SCIN: variants seen among roughly 807,000 people sequenced by gnomAD.
The protein encoded by SCIN is scinderin.
Under a neutral mutation model 91.8 loss-of-function variants are expected in SCIN, and 91 were observed. That is an observed-to-expected ratio of 0.99 (90% confidence interval 0.84 to 1.18). The LOEUF (loss-of-function observed/expected upper bound fraction) is 1.18, where lower values mean the gene tolerates loss of function less well. Ranked by LOEUF, SCIN falls within the 50% of genes most tolerant of loss-of-function variation. The pLI, the probability that SCIN is intolerant of heterozygous loss-of-function variation, is 0.00. For missense variants in SCIN, 1,087 were observed against 863.9 expected (o/e 1.26, Z -3.24); for synonymous variants, 367 against 312.6 (o/e 1.17, Z -1.84).
intron 1 of SCIN, chr7:12,571,322 A>G (rs2240575): frequency 0.53 from 201,157 of 381,296 alleles, 54,136 homozygotes; most frequent in African/African-American, 0.66. Context: ...CCGCTGCCTC[A>G]GCGCACACCG....
chr7:12,573,303 G>C (rs1782305712), intron 1 of SCIN, among the ~76,000 whole-genome samples: 1 of 152,050 alleles, frequency 6.6e-6, no homozygotes, highest in Non-Finnish European at 1.5e-5. Context: ...CCGGAAGAAA[G>C]AGAAACTAAA....
chr7:12,624,448 G>T (rs1204141570), intron 5 of SCIN, among the ~76,000 whole-genome samples: 1 of 152,176 alleles, frequency 6.6e-6, no homozygotes, highest in African/African-American at 2.4e-5. Context: ...TACTTAAATT[G>T]CAGGACCTAT....
intron 4 of SCIN, among the ~76,000 whole-genome samples, chr7:12,622,464 C>A (rs910766568): frequency 2.0e-5 from 3 of 152,110 alleles, no homozygotes; most frequent in Admixed American, 2.0e-4. Flanking sequence ...AGAAGAAATT[C>A]TGCTGCAGAG....
At position 12,597,547 on chromosome 7, in the gene SCIN, G is replaced by A. The variant is rs947111446; in HGVS notation, c.517-6967G>A. On this transcript the variant is annotated intron_variant, in intron 3 of 15. Coordinates refer to ENST00000297029, the MANE Select transcript of SCIN (RefSeq NM_001112706.3). ...TGCTTTTCCTCAAGGGCACCATTGAGCATTGTTTTACTTTTGCCCTTATTT... is the reference window on the plus strand; with the variant it reads ...TGCTTTTCCTCAAGGGCACCATTGAACATTGTTTTACTTTTGCCCTTATTT... Among the ~76,000 whole-genome samples, 4 of 152,188 alleles carry A rather than the reference G, an allele frequency of 2.6e-5. No homozygotes were observed. The East Asian group carries it at 5.8e-4, about 22-fold the overall frequency.
chr7:12,601,571 C>T (rs1037510006), intron 3 of SCIN, among the ~76,000 whole-genome samples: 3 of 152,080 alleles, frequency 2.0e-5, no homozygotes, highest in African/African-American at 7.2e-5. Flanking sequence ...TTCTACCAGT[C>T]CACCTCTCCT....
chr7:12,643,648 C>G (rs1333680297), intron 11 of SCIN, among the ~76,000 whole-genome samples: 1 of 152,206 alleles, frequency 6.6e-6, no homozygotes, highest in Non-Finnish European at 1.5e-5. Flanking sequence ...ATCATGGCTG[C>G]CTTCATCCTG....
chr7:12,626,673 G>A lies in SCIN; in HGVS notation c.1071G>A (p.Gly357=), dbSNP rs1413783121. The change falls in exon 8 of 16, where the codon GGG becomes GGA. Residue 357 remains glycine, a synonymous_variant. Transcript: ENST00000297029. ...WRDKDQSDGF[G]KVYVTEKVAQ... ...ATAAAGATCAGAGTGATGGCTTCGGGAAAGTTTATGTCACAGAGAAAGTGG... is the reference window on the plus strand; with the variant it reads ...ATAAAGATCAGAGTGATGGCTTCGGAAAAGTTTATGTCACAGAGAAAGTGG... 1.3e-6 allele frequency: 2 copies of A among 1,570,746 alleles called. No individual in the cohort carries two copies. The highest frequency in any genetic ancestry group is 2.3e-5 in the South Asian group (2 of 85,414).
rs761275549 is a variant in SCIN, at chr7:12,636,043, A to G, written c.1320-2A>G. On this transcript the variant is annotated splice_acceptor_variant, in intron 9 of 15. Coordinates refer to ENST00000297029, the MANE Select transcript of SCIN (RefSeq NM_001112706.3). LOFTEE classifies it high-confidence loss of function. The stretch of plus-strand genomic sequence containing the variant: ...TAATTCGTTTCACTTTCATTCCTCT[A>G]GGCAAGGAGCAAATGCCACACGAGA... 1.2e-6 allele frequency: 2 copies of G among 1,610,268 alleles called. No homozygotes were observed. Among genetic ancestry groups the G allele is most frequent in the Admixed American group, 3.3e-5 (2 of 59,762 alleles).
chr7:12,570,936 C>G lies in SCIN; in HGVS notation c.150C>G (p.His50Gln). Residue 50 changes from histidine to glutamine, a missense_variant, in exon 1 of 16, where the codon CAC becomes CAG. Transcript: ENST00000297029. ...TCGGGGATGCCTACCTGGTGCTGCACACGGCCAAGACGAGCCGAGGCTTCA... is the reference window on the plus strand; with the variant it reads ...TCGGGGATGCCTACCTGGTGCTGCAGACGGCCAAGACGAGCCGAGGCTTCA... ...FYVGDAYLVLHTAKTSRGFTY... is the reference protein window; with the variant it reads ...FYVGDAYLVLQTAKTSRGFTY... 3.2e-6 allele frequency: 5 copies of G among 1,551,472 alleles called. No individual in the cohort carries two copies. The South Asian group carries it at 5.9e-5, about 18-fold the overall frequency.
chr7:12,640,435 A>C lies in SCIN; in HGVS notation c.1499A>C (p.Lys500Thr). The change falls in exon 11 of 16, where the codon AAG becomes ACG. Residue 500 changes from lysine to threonine, a missense_variant. Physicochemically the swap from Lys to Thr is moderately conservative, Grantham distance 78. Coordinates refer to ENST00000297029, the MANE Select transcript of SCIN (RefSeq NM_001112706.3). The stretch of plus-strand genomic sequence containing the variant: ...ATTATTTACAAGAATGGAACATCAA[A>C]GAAAGGAGGTCAGGCACCTGCTCCC... ...PLIIYKNGTS[K>T]KGGQAPAPPT... The C allele has an allele frequency of 6.2e-7, 1 of 1,613,666 alleles. No homozygotes were observed. Among genetic ancestry groups the C allele is most frequent in the Non-Finnish European group, 8.5e-7 (1 of 1,179,742 alleles).
Position 12,657,002 on chromosome 7 carries a change from G to A in SCIN, c.*4287G>A, listed in dbSNP as rs1784174644. ...TGACTAAAATCAAATATTTTACTTG[G>A]TAATGCCAAGTAAAAATACAGGAGA... On this transcript the variant is annotated 3_prime_UTR_variant, in exon 16 of 16. Transcript: ENST00000297029. The A allele has an allele frequency of 6.6e-6, 1 of 151,714 alleles. No homozygotes were observed. Among genetic ancestry groups the A allele is most frequent in the South Asian group, 2.1e-4 (1 of 4,808 alleles). The allele number at this position is 151,714 out of a possible 1,614,324, so 9.4% of individuals were successfully genotyped here.
intron 4 of SCIN, 87 bp downstream of exon 4, chr7:12,604,750 G>A (rs141537412): frequency 0.016 from 18,776 of 1,154,738 alleles, 192 homozygotes; most frequent in Non-Finnish European, 0.017. Context: ...AAGGCAGCAG[G>A]GTGGGGAAGA....
chr7:12,588,055 A>G (rs914272041), intron 3 of SCIN, among the ~76,000 whole-genome samples: 18 of 152,206 alleles, frequency 1.2e-4, no homozygotes, highest in African/African-American at 4.3e-4. Context: ...TTACTTAAAA[A>G]TGCTTATTTT....
Position 12,652,869 on chromosome 7 carries a change from T to A in SCIN, c.*154T>A. 2.3e-6 allele frequency: 2 copies of A among 855,514 alleles called. No individual in the cohort carries two copies. The highest frequency in any genetic ancestry group is 3.5e-6 in the Non-Finnish European group (2 of 571,016). 53.0% of individuals were successfully genotyped at this position (855,514 alleles called of 1,614,324 possible). A position where few individuals can be genotyped will look rare whatever the true frequency, so the allele number is the denominator to read the frequency against. ...CTGTAATCCCAGCACTTTGAGAGGA[T>A]GAGGTAGGCGGATCACTGGGGTCAG... On this transcript the variant is annotated 3_prime_UTR_variant, in exon 16 of 16. Transcript: ENST00000297029.
chr7:12,597,404 A>G lies in SCIN; in HGVS notation c.517-7110A>G, dbSNP rs918848673. ...TTAATCAGATTTTAGATGTATTTAG[A>G]ATAATAACTTAGAAAAGGACCAAAG... On this transcript the variant is annotated intron_variant, in intron 3 of 15. Transcript: ENST00000297029. Among the ~76,000 whole-genome samples, 6 of 152,346 alleles carry G rather than the reference A, an allele frequency of 3.9e-5. No individual in the cohort carries two copies. In the South Asian group the frequency reaches 1.0e-3, roughly 26 times the overall value.
intron 3 of SCIN, among the ~76,000 whole-genome samples, chr7:12,592,477 GTCTTTTAACTGGAT>G (rs1476649576): frequency 6.6e-6 from 1 of 152,002 alleles, no homozygotes; most frequent in African/African-American, 2.4e-5. Context: ...ATTTGGAAGA[GTCTTTTAACTGGAT>G]TCTGATGGGG....
intron 12 of SCIN, 75 bp downstream of exon 12, chr7:12,644,390 A>C: frequency 6.7e-7 from 1 of 1,497,578 alleles, no homozygotes; most frequent in Non-Finnish European, 9.0e-7. Context: ...TTTTCACCAA[A>C]AAGTCACTTT....
Position 12,617,105 on chromosome 7 carries a change from A to G in SCIN, c.667-5696A>G, listed in dbSNP as rs543491019. Reference sequence around the variant, plus strand: ...GTGTGGCAAGAAGTCCAGTGGTAAAATCATTATGCAAAGGATTAGTCCAGT... The same window carrying G: ...GTGTGGCAAGAAGTCCAGTGGTAAAGTCATTATGCAAAGGATTAGTCCAGT... On this transcript the variant is annotated intron_variant, in intron 4 of 15. Transcript: ENST00000297029. Among the ~76,000 whole-genome samples the G allele has an allele frequency of 9.3e-4, 141 of 152,256 alleles. 4 individuals are homozygous for G. Among genetic ancestry groups the G allele is most frequent in the Non-Finnish European group, 2.5e-4 (17 of 68,004 alleles).
chr7:12,590,874 G>A (rs747941713), intron 3 of SCIN, among the ~76,000 whole-genome samples: 3 of 152,128 alleles, frequency 2.0e-5, no homozygotes, highest in Non-Finnish European at 2.9e-5. Flanking sequence ...GTGGGAACGA[G>A]GAATGTGATA....
Sources: gnomAD v4.1 joint callset for allele counts (sites outside exome capture counted in the v4.1 genomes callset) on GRCh38, gnomAD v4.1.1 for gene constraint, MANE v1.5 for transcripts, NCBI Gene and HGNC (gene_info 2026-07-23, HGNC 2026-07-21) for gene names.